Variants in GALNTL6 observed in about 807,000 individuals in gnomAD.
GALNTL6 encodes polypeptide N-acetylgalactosaminyltransferase-like 6.
GALNTL6 carries 46 observed loss-of-function variants against 73.7 expected under a neutral mutation model. The ratio of observed to expected loss-of-function variants is 0.62; its 90% CI spans 0.49 to 0.80. The LOEUF (loss-of-function observed/expected upper bound fraction) is 0.80, where lower values mean the gene tolerates loss of function less well. Ranked by LOEUF, GALNTL6 falls within the 30% of genes least tolerant of loss-of-function variation. GALNTL6 has a pLI of 0.00. For missense variants in GALNTL6, 604 were observed against 755.0 expected, an observed-to-expected ratio of 0.80 and a Z score of 2.34; for synonymous variants, 259 against 263.7, an observed-to-expected ratio of 0.98 and a Z score of 0.17.
intron 5 of GALNTL6, among the ~76,000 whole-genome samples, chr4:172,372,274 T>C (rs1742843220): frequency 6.6e-6 from 1 of 152,128 alleles, no homozygotes; most frequent in Non-Finnish European, 1.5e-5. Flanking sequence ...TGGCTCCCCA[T>C]CGTCTGGGAG....
At chr4:172,055,423 T>C (rs1199256737) in intron 2 of GALNTL6, among the ~76,000 whole-genome samples, 1 of 152,176 alleles carries the variant, frequency 6.6e-6, no homozygotes, top group East Asian at 1.9e-4. Flanking sequence ...TCTAAAAAAA[T>C]AGGAAATTTT....
At chr4:172,386,986 C>A (rs1447856452) in intron 5 of GALNTL6, among the ~76,000 whole-genome samples, 1 of 152,076 alleles carries the variant, frequency 6.6e-6, no homozygotes, top group Non-Finnish European at 1.5e-5. Context: ...AGGCTCAATG[C>A]CTATTGAAGC....
chr4:172,832,890 G>A (rs1329337785), intron 7 of GALNTL6, among the ~76,000 whole-genome samples: 1 of 152,138 alleles, frequency 6.6e-6, no homozygotes, highest in African/African-American at 2.4e-5. Context: ...CCATCTAACA[G>A]CTCTGCCATC....
At chr4:172,650,204 C>T (rs990514988) in intron 5 of GALNTL6, among the ~76,000 whole-genome samples, 3 of 152,130 alleles carry the variant, frequency 2.0e-5, no homozygotes, top group Non-Finnish European at 2.9e-5. Flanking sequence ...AGTGGGTCGC[C>T]CTCTAACCTG....
intron 5 of GALNTL6, among the ~76,000 whole-genome samples, chr4:172,573,357 C>T (rs1736836353): frequency 6.6e-6 from 1 of 152,084 alleles, no homozygotes; most frequent in East Asian, 1.9e-4. Flanking sequence ...AAGGTCATTA[C>T]AGCTTAATGA....
intron 5 of GALNTL6, among the ~76,000 whole-genome samples, chr4:172,394,562 G>C (rs1743783180): frequency 6.6e-6 from 1 of 151,570 alleles, no homozygotes; most frequent in African/African-American, 2.4e-5. Flanking sequence ...CTCCTGAGTA[G>C]CTGGGGCCAC....
rs369476960 is a variant in GALNTL6 at position 171,846,670 on chromosome 4, A to C, written c.138+31952A>C. ...ATCTATTATCTATCTATGTCTATTCATATCTTTATATCTATTCATCTCTAT... is the reference window on the plus strand; with the variant it reads ...ATCTATTATCTATCTATGTCTATTCCTATCTTTATATCTATTCATCTCTAT... On this transcript the variant is annotated intron_variant, in intron 2 of 12. Transcript: ENST00000506823. 8.6e-5 allele frequency among the ~76,000 whole-genome samples: 13 copies of C among 151,312 alleles called. No individual in the cohort carries two copies. In the South Asian group the frequency reaches 1.9e-3, roughly 22 times the overall value.
intron 5 of GALNTL6, among the ~76,000 whole-genome samples, chr4:172,650,539 A>G (rs1446430732): frequency 6.6e-6 from 1 of 152,228 alleles, no homozygotes; most frequent in East Asian, 1.9e-4. Flanking sequence ...ATAGGTCAGA[A>G]TAAACAGAGA....
chr4:172,126,723 C>A (rs1286749836), intron 2 of GALNTL6, among the ~76,000 whole-genome samples: 3 of 152,152 alleles, frequency 2.0e-5, no homozygotes, highest in Admixed American at 6.5e-5. Flanking sequence ...AGAGGGAGCT[C>A]ACACTGGGTT....
intron 2 of GALNTL6, among the ~76,000 whole-genome samples, chr4:171,861,771 ATTTG>A (rs909650270): frequency 1.3e-5 from 2 of 152,166 alleles, no homozygotes; most frequent in African/African-American, 4.8e-5. Context: ...AACAAATATC[ATTTG>A]TTTGTGTAGA....
chr4:173,023,199 A>G (rs554721301), intron 12 of GALNTL6, among the ~76,000 whole-genome samples: 1 of 152,302 alleles, frequency 6.6e-6, no homozygotes, highest in East Asian at 1.9e-4. Context: ...AGGACTGGTT[A>G]TGTTACTTGT....
chr4:172,395,084 A>G (rs1486228099), intron 5 of GALNTL6, among the ~76,000 whole-genome samples: 1 of 152,174 alleles, frequency 6.6e-6, no homozygotes, highest in Admixed American at 6.5e-5. Context: ...TCTCCCCCAA[A>G]TTATAAATTG....
At chr4:172,048,083 G>A (rs1397964349) in intron 2 of GALNTL6, among the ~76,000 whole-genome samples, 1 of 151,962 alleles carries the variant, frequency 6.6e-6, no homozygotes, top group African/African-American at 2.4e-5. Flanking sequence ...TCTTCACAGT[G>A]CCTGGCATAT....
chr4:171,837,668 T>C (rs549572227), intron 2 of GALNTL6, among the ~76,000 whole-genome samples: 10 of 147,242 alleles, frequency 6.8e-5, no homozygotes, highest in African/African-American at 2.5e-4. Context: ...ATAATTAATA[T>C]ATAAATATAT....
At chr4:172,049,531 C>G (rs1488930145) in intron 2 of GALNTL6, among the ~76,000 whole-genome samples, 2 of 152,082 alleles carry the variant, frequency 1.3e-5, no homozygotes, top group East Asian at 3.8e-4. Flanking sequence ...AGTAACAAGC[C>G]ATATAATCAT....
At chr4:172,377,483 T>A (rs1026296856) in intron 5 of GALNTL6, among the ~76,000 whole-genome samples, 1 of 152,168 alleles carries the variant, frequency 6.6e-6, no homozygotes, top group Non-Finnish European at 1.5e-5. Flanking sequence ...GCCTAGCAGA[T>A]CCCGTGCTGG....
intron 5 of GALNTL6, among the ~76,000 whole-genome samples, chr4:172,726,114 C>A (rs1164132905): frequency 6.6e-6 from 1 of 152,108 alleles, no homozygotes; most frequent in African/African-American, 2.4e-5. Flanking sequence ...TCTGCCAGTC[C>A]CGCTGAGGGT....
intron 8 of GALNTL6, among the ~76,000 whole-genome samples, chr4:172,923,319 T>C (rs559987942): frequency 4.6e-5 from 7 of 151,790 alleles, no homozygotes; most frequent in African/African-American, 1.4e-4. Context: ...GTGAGGGGAA[T>C]CCCTCTTTAT....
At chr4:172,926,536 C>A (rs895671036) in intron 8 of GALNTL6, among the ~76,000 whole-genome samples, 4 of 152,192 alleles carry the variant, frequency 2.6e-5, no homozygotes, top group African/African-American at 9.7e-5. Context: ...TTGTTCCAGA[C>A]CTTGACCCCA....
Sources: allele counts gnomAD v4.1 joint callset (sites outside exome capture counted in the v4.1 genomes callset), GRCh38; gene constraint gnomAD v4.1.1; transcripts MANE v1.5; gene names NCBI Gene and HGNC (gene_info 2026-07-23, HGNC 2026-07-21).